CFAP161: variants seen among roughly 807,000 people sequenced by gnomAD.
CFAP161 encodes the protein cilia- and flagella-associated protein 161.
A neutral mutation model predicts 29.0 loss-of-function variants in CFAP161; 25 were observed. The ratio of observed to expected loss-of-function variants is 0.86; its 90% CI spans 0.63 to 1.20. The LOEUF (loss-of-function observed/expected upper bound fraction) is 1.20. Ranked by LOEUF, CFAP161 falls within the 50% of genes most tolerant of loss-of-function variation. CFAP161 has a pLI of 0.00. For synonymous variants in CFAP161, 116 were observed against 137.4 expected (o/e 0.84, Z 1.09); for missense variants, 367 against 371.9 (o/e 0.99, Z 0.11).
At chr15:81,124,786 T>C (rs1894619817) in intron 1 of CFAP161, among the ~76,000 whole-genome samples, 1 of 152,178 alleles carries the variant, frequency 6.6e-6, no homozygotes. Context: ...GATTTTCTAG[T>C]TTATGTGCAT....
chr15:81,116,905 A>G (rs1366755529), intron 1 of CFAP161, among the ~76,000 whole-genome samples: 1 of 152,196 alleles, frequency 6.6e-6, no homozygotes, highest in East Asian at 1.9e-4. Context: ...AACAATTCAC[A>G]AGGCTGCAAT....
chr15:81,110,608 C>T (rs1317646128), intron 1 of CFAP161, among the ~76,000 whole-genome samples: 1 of 152,078 alleles, frequency 6.6e-6, no homozygotes, highest in African/African-American at 2.4e-5. Context: ...CCATACCCAC[C>T]AGAGTGTTAA....
intron 1 of CFAP161, among the ~76,000 whole-genome samples, chr15:81,122,114 ATTG>A (rs1272515788): frequency 3.9e-5 from 6 of 152,138 alleles, no homozygotes; most frequent in Non-Finnish European, 5.9e-5. Flanking sequence ...CCAGTCTATC[ATTG>A]TTGGGCACTT....
rs139335305 is a variant in CFAP161 at position 81,102,891 on chromosome 15, A to G, written c.-141-24699A>G. On this transcript the variant is annotated intron_variant, in intron 1 of 4. Transcript: ENST00000560091. ...AATTTGGAAGGGAAGAATTTGATCT[A>G]TGGGGTTGAATCAATGAGGAAGTTT... Among the ~76,000 whole-genome samples, 1,222 of 152,292 alleles carry G rather than the reference A, an allele frequency of 8.0e-3. 11 individuals are homozygous for G. Among genetic ancestry groups the G allele is most frequent in the African/African-American group, 0.019 (803 of 41,558 alleles).
chr15:81,108,287 T>C (rs969763401), intron 1 of CFAP161, among the ~76,000 whole-genome samples: 1 of 152,208 alleles, frequency 6.6e-6, no homozygotes, highest in East Asian at 1.9e-4. Flanking sequence ...GAATCTTATA[T>C]TCAATATGTG....
At chr15:81,129,468 A>G (rs1894681495), upstream of CFAP161, among the ~76,000 whole-genome samples, 1 of 152,190 alleles carries the variant, frequency 6.6e-6, no homozygotes, top group African/African-American at 2.4e-5. Context: ...GCTAAATTAA[A>G]GGGGAAACCT....
chr15:81,120,500 G>C (rs760394590), intron 1 of CFAP161, among the ~76,000 whole-genome samples: 1 of 152,216 alleles, frequency 6.6e-6, no homozygotes, highest in Non-Finnish European at 1.5e-5. Flanking sequence ...AGGCCCAATG[G>C]TTCCCACCTG....
chr15:81,124,088 G>C (rs1894609834), intron 1 of CFAP161, among the ~76,000 whole-genome samples: 2 of 152,136 alleles, frequency 1.3e-5, no homozygotes, highest in African/African-American at 4.8e-5. Flanking sequence ...GAATAGCAGT[G>C]GTGAGAGAGG....
At chr15:81,105,652 C>G (rs1394866165) in intron 1 of CFAP161, among the ~76,000 whole-genome samples, 3 of 152,266 alleles carry the variant, frequency 2.0e-5, no homozygotes, top group African/African-American at 7.2e-5. Flanking sequence ...GAAACTGAGA[C>G]CTGCCTATTG....
intron 1 of CFAP161, among the ~76,000 whole-genome samples, chr15:81,114,651 A>T (rs2141864898): frequency 6.6e-6 from 1 of 152,270 alleles, no homozygotes; most frequent in South Asian, 2.1e-4. Flanking sequence ...AGGTAGAGGA[A>T]GACGAGGGTT....
chr15:81,141,173 A>C (rs926602048), intron 4 of CFAP161, among the ~76,000 whole-genome samples: 64 of 152,192 alleles, frequency 4.2e-4, no homozygotes, highest in African/African-American at 1.5e-3. Flanking sequence ...TTCTTCTGAG[A>C]TGTCTCTCCA....
At chr15:81,123,135 G>T (rs76120897) in intron 1 of CFAP161, among the ~76,000 whole-genome samples, 86,407 of 151,540 alleles carry the variant, frequency 0.57, 25,848 homozygotes, top group Non-Finnish European at 0.68. Flanking sequence ...CTGAATGGTG[G>T]TACCTCATTT....
intron 3 of CFAP161, among the ~76,000 whole-genome samples, chr15:81,137,826 G>A (rs1894838038): frequency 6.6e-6 from 1 of 152,228 alleles, no homozygotes; most frequent in Admixed American, 6.5e-5. Context: ...AAGTGGGGAT[G>A]CTTTGTGTGC....
At chr15:81,109,687 G>C (rs1382618988) in intron 1 of CFAP161, among the ~76,000 whole-genome samples, 1 of 152,134 alleles carries the variant, frequency 6.6e-6, no homozygotes, top group South Asian at 2.1e-4. Context: ...CTAGATGACA[G>C]GGTAAGACCT....
At chr15:81,129,867 CT>C (rs34471478), upstream of CFAP161, among the ~76,000 whole-genome samples, 6 of 130,254 alleles carry the variant, frequency 4.6e-5, no homozygotes, top group African/African-American at 1.7e-4. Flanking sequence ...TAATGTAAGG[CT>C]TTTTTTGCCT....
chr15:81,126,143 A>C (rs1894638484), intron 1 of CFAP161, among the ~76,000 whole-genome samples: 1 of 152,360 alleles, frequency 6.6e-6, no homozygotes, highest in Non-Finnish European at 1.5e-5. Context: ...TCCTGGGATT[A>C]CAGGCGCGAG....
In CFAP161 at chr15:81,148,441, AGGG is replaced by A; in HGVS notation, c.815_817del (p.Arg272_Asp273delinsAsn). 6.2e-7 allele frequency: 1 copy of A among 1,614,236 alleles called. No homozygotes were observed. Among genetic ancestry groups the A allele is most frequent in the Non-Finnish European group, 8.5e-7 (1 of 1,180,040 alleles). On this transcript the variant is annotated inframe_deletion, in exon 7 of 7. Transcript: ENST00000286732. ...CTGGATGTTGGTTACTGGGAATCCC[AGGG>A]ATGCCTCGTCCTCCATGTTGGATCT...
At chr15:81,105,139 C>CTTTTTT (rs1567149858) in intron 1 of CFAP161, among the ~76,000 whole-genome samples, 1 of 11,350 alleles carries the variant, frequency 8.8e-5, no homozygotes, top group Non-Finnish European at 2.3e-4. Context: ...CTCCCCCCTC[C>CTTTTTT]CCTCCCTCCC....
intron 4 of CFAP161, among the ~76,000 whole-genome samples, chr15:81,143,120 T>C (rs983460917): frequency 2.0e-5 from 3 of 151,748 alleles, no homozygotes; most frequent in Non-Finnish European, 4.4e-5. Context: ...CAAGACCAGC[T>C]TGGGAAACAG....
Sources: allele counts gnomAD v4.1 joint callset (sites outside exome capture counted in the v4.1 genomes callset), GRCh38; gene constraint gnomAD v4.1.1; transcripts MANE v1.5; gene names NCBI Gene and HGNC (gene_info 2026-07-23, HGNC 2026-07-21).